Variants in TMC2 observed in about 807,000 individuals in gnomAD.
TMC2 encodes the protein transmembrane channel-like protein 2.
In TMC2, 102 loss-of-function variants were observed where a neutral mutation model predicts 105.9. The ratio of observed to expected loss-of-function variants is 0.96; its 90% CI spans 0.82 to 1.14. The LOEUF (loss-of-function observed/expected upper bound fraction) is 1.14, where lower values mean the gene tolerates loss of function less well. Ranked by LOEUF, TMC2 falls within the 50% of genes most tolerant of loss-of-function variation. TMC2 has a pLI of 0.00. For synonymous variants in TMC2, 402 were observed against 422.8 expected (o/e 0.95, Z 0.60); for missense variants, 1,093 against 1,134.3 (o/e 0.96, Z 0.52).
At chr20:2,639,714 G>A in intron 19 of TMC2, among the ~76,000 whole-genome samples, 1 of 152,174 alleles carries the variant, frequency 6.6e-6, no homozygotes, top group East Asian at 1.9e-4. Flanking sequence ...AACATAAAAA[G>A]TTCCCAGGAA....
chr20:2,592,321 C>A lies in TMC2; in HGVS notation c.846C>A (p.Gly282=). ...TGTTTCTGCACAAGGTACTGATGGG[C>A]ATGCCCTATGGGAGTATTCCCAGAA... is the stretch of plus-strand genomic sequence containing the variant. ...GLVIIPEVLM[G]MPYGSIPRKT... The change falls in exon 8 of 20, where the codon GGC becomes GGA. Residue 282 remains glycine, a synonymous_variant. Coordinates refer to ENST00000358864, the MANE Select transcript of TMC2 (RefSeq NM_080751.3). This position sits in a 1 kb window ranked among gnomAD's most constrained non-coding sequence, Gnocchi z 4.9. 6.2e-7 allele frequency: 1 copy of A among 1,612,370 alleles called. No homozygotes were observed. Among genetic ancestry groups the A allele is most frequent in the Non-Finnish European group, 8.5e-7 (1 of 1,178,412 alleles).
chr20:2,562,203 G>A (rs566803822), intron 4 of TMC2, among the ~76,000 whole-genome samples, 193 bp downstream of exon 4: 10 of 152,382 alleles, frequency 6.6e-5, no homozygotes, highest in African/African-American at 2.2e-4. Flanking sequence ...CCTAGAGGGG[G>A]AGCCATGGAA....
In TMC2 at chr20:2,558,641, G is replaced by A. The variant is rs372003391; in HGVS notation, c.268G>A (p.Glu90Lys). The A allele has an allele frequency of 4.5e-5, 71 of 1,573,860 alleles. No homozygotes were observed. In the African/African-American group the frequency reaches 8.1e-4, roughly 18 times the overall value. Reference protein sequence around the residue: ...REELGEQERGEAERTCEGRRK... With the variant: ...REELGEQERGKAERTCEGRRK... ...AGAGCTGGGGGAGCAGGAGCGGGGC[G>A]AGGCAGAGAGGACCTGCGAGGGCAG... Residue 90 changes from glutamate (E) to lysine (K), a missense_variant, in exon 3 of 20, where the codon GAG (glutamate) becomes AAG (lysine). Physicochemically the swap from Glu to Lys is moderately conservative, Grantham distance 56. Coordinates refer to ENST00000358864, the MANE Select transcript of TMC2 (RefSeq NM_080751.3). The surrounding 1 kb of genome is among the most constrained non-coding windows in gnomAD (Gnocchi z 4.6).
At position 2,617,324 on chromosome 20, in the gene TMC2, AG is replaced by A; in HGVS notation, c.2180+14del. 4 of 1,613,968 alleles carry A rather than the reference AG, an allele frequency of 2.5e-6. No homozygotes were observed. Among genetic ancestry groups the A allele is most frequent in the Non-Finnish European group, 1.7e-6 (2 of 1,179,872 alleles). Reference sequence around the variant, plus strand: ...GCGGGCCGTTCAGGTGCAGAGTCTCAGTTGCCCGGGAGCACCTCCCCTCCCG... The same window carrying A: ...GCGGGCCGTTCAGGTGCAGAGTCTCATTGCCCGGGAGCACCTCCCCTCCCG... On this transcript the variant is annotated intron_variant, in intron 16 of 19. Transcript: ENST00000358864.
chr20:2,624,175 C>G (rs2086547244), intron 16 of TMC2, 96 bp from the exon 17 acceptor site: 6 of 1,331,814 alleles, frequency 4.5e-6, no homozygotes, highest in Admixed American at 4.5e-5. Flanking sequence ...CAGTGGCAGG[C>G]AGCAGCCCTG....
intron 2 of TMC2, among the ~76,000 whole-genome samples, chr20:2,538,396 A>C (rs922272989): frequency 1.3e-5 from 2 of 152,154 alleles, no homozygotes; most frequent in African/African-American, 2.4e-5. Context: ...TCCAAAGATG[A>C]AGGAGCAAAT....
intron 2 of TMC2, among the ~76,000 whole-genome samples, chr20:2,553,521 T>A (rs1197795644): frequency 7.6e-6 from 1 of 131,272 alleles, no homozygotes; most frequent in African/African-American, 2.9e-5. Flanking sequence ...TATCTATGTT[T>A]ATAAGAGATA....
intron 11 of TMC2, among the ~76,000 whole-genome samples, chr20:2,603,634 C>G (rs1424594935): frequency 1.3e-5 from 2 of 152,094 alleles, no homozygotes; most frequent in Non-Finnish European, 2.9e-5. Flanking sequence ...TAATTAAAAG[C>G]CCTAAAAATG....
chr20:2,631,037 T>C (rs1190201370), intron 17 of TMC2, among the ~76,000 whole-genome samples: 1 of 152,244 alleles, frequency 6.6e-6, no homozygotes, highest in Non-Finnish European at 1.5e-5. Flanking sequence ...TTCTTTTGGG[T>C]TAAATATTTT....
At chr20:2,623,179 G>A (rs2086538027) in intron 16 of TMC2, among the ~76,000 whole-genome samples, 1 of 151,906 alleles carries the variant, frequency 6.6e-6, no homozygotes, top group African/African-American at 2.4e-5. Flanking sequence ...ATTTTTAATA[G>A]CCACATCAGA....
At chr20:2,594,539 A>T (rs574342417) in intron 8 of TMC2, among the ~76,000 whole-genome samples, 2 of 152,148 alleles carry the variant, frequency 1.3e-5, no homozygotes, top group South Asian at 2.1e-4. Flanking sequence ...CCTATCCCTA[A>T]TTTGATCCCA....
intron 2 of TMC2, among the ~76,000 whole-genome samples, chr20:2,541,641 A>G (rs984152750): frequency 3.3e-5 from 5 of 151,090 alleles, no homozygotes; most frequent in African/African-American, 1.2e-4. Context: ...ACTCTGTCTC[A>G]AAACCAAAAA....
At chr20:2,536,715 G>A in intron 1 of TMC2, 60 bp downstream of exon 1, 1 of 1,534,046 alleles carries the variant, frequency 6.5e-7, no homozygotes, top group Non-Finnish European at 8.8e-7. Context: ...AGCAGCAGGG[G>A]ATGGGGGAAG....
At chr20:2,543,055 G>A (rs2085901134) in intron 2 of TMC2, among the ~76,000 whole-genome samples, 1 of 151,840 alleles carries the variant, frequency 6.6e-6, no homozygotes, top group African/African-American at 2.4e-5. Flanking sequence ...TGGCCAACAT[G>A]GTGAAACCCT....
intron 2 of TMC2, among the ~76,000 whole-genome samples, chr20:2,554,882 T>A (rs944657177): frequency 6.6e-6 from 1 of 152,236 alleles, no homozygotes; most frequent in Non-Finnish European, 1.5e-5. Flanking sequence ...ATGTTCCATA[T>A]GAGCTTGAGA....
At chr20:2,566,160 A>G (rs1001130047) in intron 4 of TMC2, among the ~76,000 whole-genome samples, 1 of 152,214 alleles carries the variant, frequency 6.6e-6, no homozygotes, top group African/African-American at 2.4e-5. Flanking sequence ...AATCCCTCTC[A>G]GGGTCACTTC....
chr20:2,545,865 A>AAGAAAGAG (rs1186024496), intron 2 of TMC2, among the ~76,000 whole-genome samples: 1 of 116,474 alleles, frequency 8.6e-6, no homozygotes, highest in African/African-American at 3.3e-5. Flanking sequence ...GAAAGAAAGA[A>AAGAAAGAG]AAAGAAAGAA....
At chr20:2,607,812 G>A (rs2086404633) in intron 11 of TMC2, among the ~76,000 whole-genome samples, 1 of 152,106 alleles carries the variant, frequency 6.6e-6, no homozygotes, top group Admixed American at 6.6e-5. Flanking sequence ...TTTACATGGG[G>A]ATTCGGGAGA....
rs766908102 is a variant in TMC2 at position 2,641,377 on chromosome 20, C to A, written c.*26C>A. On this transcript the variant is annotated 3_prime_UTR_variant, in exon 20 of 20. Transcript: ENST00000358864. ...TGGCTAGGACTCCAGGGAGCCTCGA[C>A]CCTAGGGCTGATCCTCAAGTACCCC... is the stretch of plus-strand genomic sequence containing the variant. 10 of 1,511,764 alleles carry A rather than the reference C, an allele frequency of 6.6e-6. No individual in the cohort carries two copies. The highest frequency in any genetic ancestry group is 8.2e-6 in the Non-Finnish European group (9 of 1,093,930). The allele number at this position is 1,511,764 out of a possible 1,614,324, so 93.6% of individuals were successfully genotyped here.
Sources: allele counts gnomAD v4.1 joint callset (sites outside exome capture counted in the v4.1 genomes callset), GRCh38; gene constraint gnomAD v4.1.1; non-coding constraint Gnocchi (gnomAD v3.1); transcripts MANE v1.5; gene names NCBI Gene and HGNC (gene_info 2026-07-23, HGNC 2026-07-21).